TLN2: variants seen among roughly 807,000 people sequenced by gnomAD.
The protein encoded by TLN2 is talin-2.
Under a neutral mutation model 294.7 loss-of-function variants are expected in TLN2, and 118 were observed. The observed-to-expected ratio is 0.40, with a 90% confidence interval of 0.34 to 0.47. The LOEUF is 0.47. Among genes scored for constraint, TLN2 ranks in the 20% least tolerant of loss-of-function variants. TLN2 has a pLI of 0.84. For missense variants in TLN2, 3,083 were observed against 3,282.2 expected, an observed-to-expected ratio of 0.94 and a Z score of 1.48; for synonymous variants, 1,431 against 1,304.5, an observed-to-expected ratio of 1.10 and a Z score of -2.09.
At chr15:62,573,639 C>A (rs573690197) in intron 1 of TLN2, among the ~76,000 whole-genome samples, 2 of 152,254 alleles carry the variant, frequency 1.3e-5, no homozygotes, top group East Asian at 3.9e-4. Context: ...AGAACCTGCC[C>A]ATTTCCCATC....
intron 37 of TLN2, among the ~76,000 whole-genome samples, chr15:62,757,374 A>G (rs1232842379): frequency 6.6e-6 from 1 of 152,210 alleles, no homozygotes; most frequent in Non-Finnish European, 1.5e-5. Flanking sequence ...AAAGAGCGAT[A>G]GAGTTGACAG....
intron 2 of TLN2, among the ~76,000 whole-genome samples, chr15:62,594,787 T>C (rs2046348068): frequency 6.6e-6 from 1 of 152,108 alleles, no homozygotes; most frequent in African/African-American, 2.4e-5. Context: ...GTGCAGGCAA[T>C]GAAAACAGAA....
chr15:62,457,013 T>G (rs1277706831), intron 1 of TLN2, among the ~76,000 whole-genome samples: 1 of 152,220 alleles, frequency 6.6e-6, no homozygotes, highest in African/African-American at 2.4e-5. Flanking sequence ...CTTGACACAC[T>G]GTTTAGTTTG....
chr15:62,633,831 C>T (rs1443568625), intron 3 of TLN2, among the ~76,000 whole-genome samples: 2 of 152,174 alleles, frequency 1.3e-5, no homozygotes, highest in Non-Finnish European at 2.9e-5. Flanking sequence ...TATTGTCTCA[C>T]AGTTCTGGAG....
chr15:62,588,008 G>T (rs139251464), intron 1 of TLN2, among the ~76,000 whole-genome samples: 3,944 of 152,098 alleles, frequency 0.026, 76 homozygotes, highest in Admixed American at 0.049. Flanking sequence ...AGCCCCCACA[G>T]TAGCTGGGAC....
intron 41 of TLN2, among the ~76,000 whole-genome samples, chr15:62,768,457 T>A (rs565343511): frequency 6.6e-6 from 1 of 152,178 alleles, no homozygotes; most frequent in East Asian, 1.9e-4. Flanking sequence ...TTAGAGCCCG[T>A]CCCGGTAACT....
At chr15:62,794,981 C>CG (rs2065359472) in intron 46 of TLN2, among the ~76,000 whole-genome samples, 2 of 152,184 alleles carry the variant, frequency 1.3e-5, no homozygotes, top group Non-Finnish European at 2.9e-5. Context: ...AAAGAGCCTC[C>CG]AGCCACTAGC....
At position 62,833,890 on chromosome 15, in the gene TLN2, A is replaced by G. The variant is rs533224899; in HGVS notation, c.7128+261A>G. On this transcript the variant is annotated intron_variant, in intron 55 of 58. Coordinates refer to ENST00000636159, the MANE Select transcript of TLN2 (RefSeq NM_015059.3). ...AGGCAGTGACTGGGGCCTGAACGAG[A>G]TATTTATATTCCCACTGTACATTAG... 69 of 387,894 alleles carry G rather than the reference A, an allele frequency of 1.8e-4. No individual in the cohort carries two copies. In the East Asian group the frequency reaches 2.8e-3, roughly 16 times the overall value. The allele number at this position is 387,894 out of a possible 1,614,324, so 24.0% of individuals were successfully genotyped here.
In TLN2 at chr15:62,651,999, C is replaced by A; in HGVS notation, c.235-6C>A. 1 of 1,602,836 alleles carries A rather than the reference C, an allele frequency of 6.2e-7. No homozygotes were observed. The highest frequency in any genetic ancestry group is 8.5e-7 in the Non-Finnish European group (1 of 1,173,398). On this transcript the variant is annotated splice_polypyrimidine_tract_variant and splice_region_variant and intron_variant, in intron 5 of 58. Transcript: ENST00000636159. ...GTGTGAAATTTGTATGTGGTTTGTG[C>A]TCTAGGATATTTTGGAATATAAAAA...
intron 28 of TLN2, among the ~76,000 whole-genome samples, chr15:62,730,401 A>G (rs1195209880): frequency 6.6e-6 from 1 of 152,162 alleles, no homozygotes; most frequent in Non-Finnish European, 1.5e-5. Context: ...TGTTCCAGAT[A>G]GTCCTTATTC....
At chr15:62,405,234 A>G (rs1408634102) in intron 1 of TLN2, among the ~76,000 whole-genome samples, 3 of 152,102 alleles carry the variant, frequency 2.0e-5, no homozygotes, top group Non-Finnish European at 2.9e-5. Flanking sequence ...GCTTATTAAA[A>G]CTGCTAGTTC....
chr15:62,595,835 T>C (rs7164017), intron 2 of TLN2, among the ~76,000 whole-genome samples: 12,368 of 152,214 alleles, frequency 0.081, 660 homozygotes, highest in East Asian at 0.16. Flanking sequence ...CTTAATTACA[T>C]GTGGAATCTA....
chr15:62,506,224 C>T (rs990961719), intron 1 of TLN2, among the ~76,000 whole-genome samples: 2 of 152,092 alleles, frequency 1.3e-5, no homozygotes, highest in African/African-American at 4.8e-5. Context: ...TTGTGTGTTG[C>T]AGGTTCCAAG....
chr15:62,429,565 A>G (rs2034902433), intron 1 of TLN2, among the ~76,000 whole-genome samples: 1 of 151,936 alleles, frequency 6.6e-6, no homozygotes, highest in South Asian at 2.1e-4. Flanking sequence ...GATGTATTTA[A>G]TTGCTGGTGT....
At chr15:62,728,216 A>G (rs1371032466) in intron 28 of TLN2, among the ~76,000 whole-genome samples, 1 of 152,194 alleles carries the variant, frequency 6.6e-6, no homozygotes, top group Admixed American at 6.5e-5. Context: ...TTGAGCTGTA[A>G]GTAAATGGAA....
At chr15:62,785,739 A>G (rs886142829) in intron 45 of TLN2, among the ~76,000 whole-genome samples, 1 of 151,762 alleles carries the variant, frequency 6.6e-6, no homozygotes, top group African/African-American at 2.4e-5. Context: ...ATCTACCACC[A>G]TCTGCCTTAG....
Position 62,766,419 on chromosome 15 carries a change from T to C in TLN2, c.5193T>C (p.His1731=). Residue 1731 remains histidine (H), a synonymous_variant, in exon 41 of 59, where the codon CAT becomes CAC. Transcript: ENST00000636159. ...AARGEAAQLG[H]KVTQLASYFE... The stretch of plus-strand genomic sequence containing the variant: ...GGGGAGAAGCAGCTCAGCTGGGACA[T>C]AAGGTAATGCACACCGAGGGGATCC... 1 of 1,609,314 alleles carries C rather than the reference T, an allele frequency of 6.2e-7. No individual in the cohort carries two copies. The highest frequency in any genetic ancestry group is 8.5e-7 in the Non-Finnish European group (1 of 1,176,036).
At chr15:62,455,668 C>G (rs1487774127) in intron 1 of TLN2, among the ~76,000 whole-genome samples, 1 of 152,186 alleles carries the variant, frequency 6.6e-6, no homozygotes, top group Non-Finnish European at 1.5e-5. Context: ...ACAGTTTGTT[C>G]CCAGGTGCCC....
At chr15:62,626,377 C>T (rs1043048714) in intron 3 of TLN2, among the ~76,000 whole-genome samples, 2 of 152,192 alleles carry the variant, frequency 1.3e-5, no homozygotes, top group Non-Finnish European at 2.9e-5. Flanking sequence ...AAATAGTTCA[C>T]TGACATCTGA....
Sources: allele counts gnomAD v4.1 joint callset (sites outside exome capture counted in the v4.1 genomes callset), GRCh38; gene constraint gnomAD v4.1.1; transcripts MANE v1.5; gene names NCBI Gene and HGNC (gene_info 2026-07-23, HGNC 2026-07-21).